ATIC: variants seen among roughly 807,000 people sequenced by gnomAD.
ATIC encodes the protein 5-aminoimidazole-4-carboxamide ribonucleotide formyltransferase/IMP cyclohydrolase.
In ATIC, 64 loss-of-function variants were observed where a neutral mutation model predicts 72.5. The ratio of observed to expected loss-of-function variants is 0.88; its 90% CI spans 0.72 to 1.09. The LOEUF (loss-of-function observed/expected upper bound fraction) is 1.09, where lower values mean the gene tolerates loss of function less well. Ranked by LOEUF, ATIC falls within the 50% of genes least tolerant of loss-of-function variation. The pLI is 0.00. For synonymous variants in ATIC, 281 were observed against 267.1 expected (o/e 1.05, Z -0.51); for missense variants, 787 against 732.4 (o/e 1.07, Z -0.86).
chr2:215,344,664 A>T, intron 12 of ATIC, 115 bp from the exon 13 acceptor site: 1 of 962,534 alleles, frequency 1.0e-6, no homozygotes, highest in Non-Finnish European at 1.6e-6. Context: ...TGCCTGGGAG[A>T]CAGAGTGAGA....
rs1186275838 is a variant in ATIC, at chr2:215,334,960, T to A, written c.964T>A (p.Ser322Thr). 6.2e-7 allele frequency: 1 copy of A among 1,613,722 alleles called. No individual in the cohort carries two copies. Among genetic ancestry groups the A allele is most frequent in the Non-Finnish European group, 8.5e-7 (1 of 1,179,798 alleles). ...MSSFGDFVAL[S>T]DVCDVPTAKI... is the part of the protein sequence containing the mutation. ...TTCATTTGGTGATTTTGTTGCATTG[T>A]CCGATGTTTGTGATGTACCAACTGC... is the stretch of plus-strand genomic sequence containing the variant. Residue 322 changes from serine (S) to threonine (T), a missense_variant, in exon 10 of 16, where the codon TCC becomes ACC. Physicochemically the swap from Ser to Thr is moderately conservative, Grantham distance 58. Coordinates refer to ENST00000236959, the MANE Select transcript of ATIC (RefSeq NM_004044.7).
At chr2:215,356,047 A>G in the ATIC span, among the ~76,000 whole-genome samples, 1 of 152,224 alleles carries the variant, frequency 6.6e-6, no homozygotes, top group Non-Finnish European at 1.5e-5. Context: ...CTTACAAGCT[A>G]TGTGATGTTT....
At chr2:215,323,755 G>C (rs779357410) in intron 4 of ATIC, among the ~76,000 whole-genome samples, 2 of 152,136 alleles carry the variant, frequency 1.3e-5, no homozygotes, top group Non-Finnish European at 2.9e-5. Flanking sequence ...AGTAGAAGTG[G>C]TAAGAATGGA....
chr2:215,346,818 T>C lies in ATIC; in HGVS notation c.1380T>C (p.Asp460=), dbSNP rs1441241831. The change falls in exon 14 of 16, where the codon GAT becomes GAC. Residue 460 remains aspartate (D), a synonymous_variant. Coordinates refer to ENST00000236959, the MANE Select transcript of ATIC (RefSeq NM_004044.7). ...TACACTGCACTCGCCTTGCAGGAGA[T>C]AAGGCAAACTATTGGTGGCTTAGAC... ...SRIHCTRLAG[D]KANYWWLRHH... 1.2e-6 allele frequency: 2 copies of C among 1,614,208 alleles called. No homozygotes were observed. Among genetic ancestry groups the C allele is most frequent in the Non-Finnish European group, 1.7e-6 (2 of 1,180,042 alleles).
chr2:215,354,995 C>G, the ATIC span, among the ~76,000 whole-genome samples: 1 of 151,988 alleles, frequency 6.6e-6, no homozygotes, highest in Non-Finnish European at 1.5e-5. Context: ...CCATTCTTCA[C>G]TCTGGAAAAC....
downstream of ATIC, among the ~76,000 whole-genome samples, chr2:215,353,487 CTT>C (rs1271300325): frequency 5.3e-5 from 8 of 152,146 alleles, no homozygotes; most frequent in Non-Finnish European, 1.0e-4. Flanking sequence ...AGTTTCTCCT[CTT>C]GTGTTAACTG....
At chr2:215,356,817 T>C in the ATIC span, among the ~76,000 whole-genome samples, 39,780 of 152,148 alleles carry the variant, frequency 0.26, 6,066 homozygotes, top group South Asian at 0.47. Context: ...ATACCACATT[T>C]TGTTGATCCA....
chr2:215,336,326 T>G (rs1162778932), intron 11 of ATIC, among the ~76,000 whole-genome samples: 1 of 152,216 alleles, frequency 6.6e-6, no homozygotes, highest in African/African-American at 2.4e-5. Flanking sequence ...TTTTAACTTT[T>G]TGCTGGTTGT....
chr2:215,326,706 G>C, intron 6 of ATIC, 116 bp from the exon 7 acceptor site: 1 of 1,272,728 alleles, frequency 7.9e-7, no homozygotes, highest in Non-Finnish European at 1.1e-6. Context: ...GTGTTGTGCA[G>C]CCACCACATA....
chr2:215,320,610 C>T (rs951826863), intron 4 of ATIC, among the ~76,000 whole-genome samples: 1 of 152,058 alleles, frequency 6.6e-6, no homozygotes, highest in Non-Finnish European at 1.5e-5. Flanking sequence ...GACAGGGTCT[C>T]GCTCTGTTGC....
In ATIC at chr2:215,347,302, G is replaced by T. The variant is rs1428134168; in HGVS notation, c.1503+361G>T. On this transcript the variant is annotated intron_variant, in intron 14 of 15. Coordinates refer to ENST00000236959, the MANE Select transcript of ATIC (RefSeq NM_004044.7). ...ACGTCATGCATGGTGCTTGCTGTCCGATGGGTCTGTATTCAACATTAAATA... is the reference window on the plus strand; with the variant it reads ...ACGTCATGCATGGTGCTTGCTGTCCTATGGGTCTGTATTCAACATTAAATA... 1.6e-5 allele frequency: 6 copies of T among 380,618 alleles called. No homozygotes were observed. The East Asian group carries it at 2.3e-4, about 15-fold the overall frequency. 23.6% of individuals were successfully genotyped at this position (380,618 alleles called of 1,614,324 possible). A position where few individuals can be genotyped will look rare whatever the true frequency, so the allele number is the denominator to read the frequency against.
rs758335460 is a variant in ATIC, at chr2:215,325,982, C to T, written c.380-5C>T. 6.2e-7 allele frequency: 1 copy of T among 1,614,062 alleles called. No individual in the cohort carries two copies. Among genetic ancestry groups the T allele is most frequent in the Non-Finnish European group, 8.5e-7 (1 of 1,179,958 alleles). ...AAAAATCAATAAGTCTTTTGTTCTT[C>T]AAAGGTGGAGTAACCTTACTGAGAG... is the stretch of plus-strand genomic sequence containing the variant. On this transcript the variant is annotated splice_region_variant and splice_polypyrimidine_tract_variant and intron_variant, in intron 5 of 15. Transcript: ENST00000236959.
chr2:215,316,222 C>G (rs1464694384), intron 2 of ATIC, among the ~76,000 whole-genome samples: 1 of 152,102 alleles, frequency 6.6e-6, no homozygotes, highest in Non-Finnish European at 1.5e-5. Context: ...TCCGCCTTCT[C>G]TAAGTTTTAA....
At chr2:215,326,739 T>C in intron 6 of ATIC, 83 bp from the exon 7 acceptor site, 1 of 1,535,502 alleles carries the variant, frequency 6.5e-7, no homozygotes, top group Non-Finnish European at 9.0e-7. Flanking sequence ...GAGGAGATGT[T>C]GTTTGCTGTG....
At chr2:215,313,984 T>A (rs893366591) in intron 2 of ATIC, among the ~76,000 whole-genome samples, 2 of 152,142 alleles carry the variant, frequency 1.3e-5, no homozygotes, top group Non-Finnish European at 2.9e-5. Flanking sequence ...TCCTCATCTG[T>A]AGTCTCTTTT....
downstream of ATIC, among the ~76,000 whole-genome samples, chr2:215,353,244 A>G (rs1013922296): frequency 5.3e-5 from 8 of 152,080 alleles, no homozygotes; most frequent in African/African-American, 1.9e-4. Context: ...AGTTTGACCC[A>G]CTTTTATTTC....
chr2:215,338,678 C>G, intron 11 of ATIC, 101 bp from the exon 12 acceptor site: 2 of 1,219,384 alleles, frequency 1.6e-6, no homozygotes, highest in Non-Finnish European at 2.3e-6. Flanking sequence ...TAGAAACATG[C>G]ATATAACTTT....
downstream of ATIC, among the ~76,000 whole-genome samples, chr2:215,351,741 G>A (rs1258305479): frequency 6.6e-6 from 1 of 152,234 alleles, no homozygotes; most frequent in Non-Finnish European, 1.5e-5. Flanking sequence ...ATAACTCCCA[G>A]TCCTTAAGTG....
chr2:215,316,414 A>G (rs1488144450), intron 2 of ATIC, among the ~76,000 whole-genome samples: 1 of 152,182 alleles, frequency 6.6e-6, no homozygotes, highest in African/African-American at 2.4e-5. Context: ...GAAATTCCGT[A>G]TCTTACTGGC....
Sources: gnomAD v4.1 joint callset for allele counts (sites outside exome capture counted in the v4.1 genomes callset) on GRCh38, gnomAD v4.1.1 for gene constraint, MANE v1.5 for transcripts, NCBI Gene and HGNC (gene_info 2026-07-23, HGNC 2026-07-21) for gene names.